The following ABCC4 variants were observed in gnomAD, a reference collection of about 807,000 sequenced individuals.
The protein encoded by ABCC4 is ATP-binding cassette sub-family C member 4.
In ABCC4, 102 loss-of-function variants were observed where a neutral mutation model predicts 168.5. The ratio of observed to expected loss-of-function variants is 0.61; its 90% CI spans 0.52 to 0.71. The LOEUF (loss-of-function observed/expected upper bound fraction) is 0.71. Ranked by LOEUF, ABCC4 falls within the 30% of genes least tolerant of loss-of-function variation. The pLI, the probability that ABCC4 is intolerant of heterozygous loss-of-function variation, is 0.00. For missense variants in ABCC4, 1,402 were observed against 1,605.8 expected (o/e 0.87, Z 2.17); for synonymous variants, 617 against 590.7 (o/e 1.04, Z -0.65).
At chr13:95,230,612 T>G (rs2138744601) in intron 4 of ABCC4, among the ~76,000 whole-genome samples, 1 of 152,130 alleles carries the variant, frequency 6.6e-6, no homozygotes, top group Non-Finnish European at 1.5e-5. Flanking sequence ...CTGTCTCTAT[T>G]AAAAATACAA....
At chr13:95,099,339 G>A (rs965046647) in intron 20 of ABCC4, among the ~76,000 whole-genome samples, 1 of 152,122 alleles carries the variant, frequency 6.6e-6, no homozygotes, top group African/African-American at 2.4e-5. Context: ...AGGTGTAGAG[G>A]TGTGAAAATT....
Position 95,166,307 on chromosome 13 carries a change from A to C in ABCC4, c.1885T>G (p.Ser629Ala), listed in dbSNP as rs770357231. ...TCCTCATTATCCTTCTTTAAAAGGG[A>C]GCCAAAATCTATACCAGATTTTAGG... Reference protein sequence around the residue: ...EFLKSGIDFGSLLKKDNEESE... With the variant: ...EFLKSGIDFGALLKKDNEESE... Residue 629 changes from serine to alanine, a missense_variant, in exon 15 of 31, where the codon TCC becomes GCC. Around this residue, in one of 3 missense-constraint regions of ABCC4, gnomAD observed 1,007 missense variants for 1,127.3 expected, o/e 0.89. Coordinates refer to ENST00000645237, the MANE Select transcript of ABCC4 (RefSeq NM_005845.5). 1 of 1,613,854 alleles carries C rather than the reference A, an allele frequency of 6.2e-7. No individual in the cohort carries two copies. The highest frequency in any genetic ancestry group is 1.7e-5 in the Admixed American group (1 of 60,012).
At chr13:95,133,276 G>A (rs2036036996) in intron 19 of ABCC4, among the ~76,000 whole-genome samples, 1 of 151,642 alleles carries the variant, frequency 6.6e-6, no homozygotes, top group African/African-American at 2.4e-5. Context: ...ACCACACCTG[G>A]CTAATTTTTG....
intron 5 of ABCC4, among the ~76,000 whole-genome samples, chr13:95,210,334 T>C (rs978426187): frequency 3.9e-5 from 6 of 152,314 alleles, no homozygotes; most frequent in African/African-American, 1.4e-4. Flanking sequence ...AAAAAAGAAA[T>C]TAGCCAGCAA....
At chr13:95,044,141 T>C in intron 28 of ABCC4, 125 bp downstream of exon 28, 1 of 993,932 alleles carries the variant, frequency 1.0e-6, no homozygotes, top group South Asian at 2.1e-5. Flanking sequence ...AATGAATTTA[T>C]CCATGTTAAA....
intron 19 of ABCC4, among the ~76,000 whole-genome samples, chr13:95,126,772 T>TATATATATATTCCAAAATATATATATAA: frequency 6.9e-6 from 1 of 144,818 alleles, no homozygotes; most frequent in African/African-American, 2.5e-5. Context: ...TATATATATA[T>TATATATATATTCCAAAATATATATATAA]TTAAGTACAC....
chr13:95,249,681 A>G (rs1319147884), intron 1 of ABCC4, among the ~76,000 whole-genome samples: 4 of 152,060 alleles, frequency 2.6e-5, no homozygotes, highest in African/African-American at 9.7e-5. Context: ...GCCTGAGATG[A>G]CCTCTGCATG....
At chr13:95,066,620 A>C (rs1212444511) in intron 25 of ABCC4, among the ~76,000 whole-genome samples, 2 of 152,226 alleles carry the variant, frequency 1.3e-5, no homozygotes, top group Admixed American at 6.5e-5. Context: ...ATAAAACTCT[A>C]ATGGCTAGGC....
chr13:95,022,432 A>C (rs540356415), intron 30 of ABCC4, among the ~76,000 whole-genome samples: 7 of 152,220 alleles, frequency 4.6e-5, no homozygotes, highest in Admixed American at 1.3e-4. Context: ...AGGAAATGAA[A>C]TGCTGTCAAG....
At chr13:95,222,261 G>A (rs1349548508) in intron 4 of ABCC4, among the ~76,000 whole-genome samples, 2 of 152,208 alleles carry the variant, frequency 1.3e-5, no homozygotes, top group African/African-American at 2.4e-5. Context: ...TCTGGCCACG[G>A]CTAAGTGGCT....
At chr13:95,285,783 G>A (rs377209197) in intron 1 of ABCC4, among the ~76,000 whole-genome samples, 2 of 152,184 alleles carry the variant, frequency 1.3e-5, no homozygotes, top group African/African-American at 4.8e-5. Flanking sequence ...GGAAAGCTAA[G>A]TTAGGACCAG....
intron 21 of ABCC4, 106 bp downstream of exon 21, chr13:95,083,033 GA>G: frequency 7.8e-7 from 1 of 1,279,414 alleles, no homozygotes; most frequent in South Asian, 1.5e-5. Flanking sequence ...TAATGTTAGA[GA>G]AATTCTGGAA....
At chr13:95,166,058 T>C in intron 15 of ABCC4, 100 bp downstream of exon 15, 1 of 1,160,070 alleles carries the variant, frequency 8.6e-7, no homozygotes, top group South Asian at 1.4e-5. Flanking sequence ...GAATCCACTT[T>C]GGGACAAAAG....
intron 1 of ABCC4, among the ~76,000 whole-genome samples, chr13:95,288,290 C>T (rs2041311837): frequency 6.6e-6 from 1 of 152,012 alleles, no homozygotes; most frequent in Non-Finnish European, 1.5e-5. Flanking sequence ...CAGGTGTCAG[C>T]AACTCTAAAT....
chr13:95,098,916 A>C (rs1362613462), intron 20 of ABCC4, among the ~76,000 whole-genome samples: 1 of 152,222 alleles, frequency 6.6e-6, no homozygotes, highest in East Asian at 1.9e-4. Context: ...ATGCTCATAT[A>C]TTGCCACTGG....
chr13:95,032,987 T>TTTTTTTG (rs2031952159), intron 30 of ABCC4, among the ~76,000 whole-genome samples: 1 of 142,980 alleles, frequency 7.0e-6, no homozygotes, highest in African/African-American at 2.7e-5. Flanking sequence ...TTTTTTTTTT[T>TTTTTTTG]GAGATGGTGT....
chr13:95,181,286 C>T (rs1184968990), intron 11 of ABCC4, among the ~76,000 whole-genome samples: 1 of 152,222 alleles, frequency 6.6e-6, no homozygotes, highest in Non-Finnish European at 1.5e-5. Flanking sequence ...TGGGGATGGT[C>T]ACAGGGGCCA....
intron 1 of ABCC4, among the ~76,000 whole-genome samples, chr13:95,280,652 G>A (rs571340666): frequency 1.8e-4 from 27 of 150,990 alleles, no homozygotes; most frequent in African/African-American, 6.1e-4. Flanking sequence ...CTGTGAGACG[G>A]CTCTCTGTGG....
At chr13:95,203,336 CTT>C (rs35053264) in intron 8 of ABCC4, among the ~76,000 whole-genome samples, 102 of 126,674 alleles carry the variant, frequency 8.1e-4, no homozygotes, top group Middle Eastern at 4.0e-3. Context: ...TCAGGAGGCT[CTT>C]TTTTTTTTTT....
Sources: gnomAD v4.1 joint callset for allele counts (sites outside exome capture counted in the v4.1 genomes callset) on GRCh38, gnomAD v4.1.1 for gene constraint, gnomAD v4.1.1 regional missense constraint, MANE v1.5 for transcripts, NCBI Gene and HGNC (gene_info 2026-07-23, HGNC 2026-07-21) for gene names.